LMF1: variants seen among roughly 807,000 people sequenced by gnomAD.
The protein encoded by LMF1 is lipase maturation factor 1.
In LMF1, 68 loss-of-function variants were observed where a neutral mutation model predicts 60.6. The observed-to-expected ratio is 1.12, with a 90% confidence interval of 0.92 to 1.37. The LOEUF is 1.37. LMF1 is among the 40% of genes most tolerant of loss of function. LMF1 has a pLI of 0.00. For synonymous variants in LMF1, 418 were observed against 324.7 expected (o/e 1.29, Z -3.09); for missense variants, 948 against 767.2 (o/e 1.24, Z -2.78).
intron 4 of LMF1, among the ~76,000 whole-genome samples, chr16:896,500 C>G (rs191549023): frequency 7.2e-5 from 11 of 152,336 alleles, no homozygotes; most frequent in African/African-American, 2.6e-4. Flanking sequence ...TGGGTTTGCT[C>G]AGATCACAAA....
rs974276723 is a variant in LMF1, at chr16:897,998, G to A, written c.664-4926C>T. 6.6e-6 allele frequency among the ~76,000 whole-genome samples: 1 copy of A among 152,228 alleles called. No homozygotes were observed. Among genetic ancestry groups the A allele is most frequent in the Admixed American group, 6.5e-5 (1 of 15,286 alleles). Reference sequence around the variant, plus strand: ...CCTCTGCGTGGTGGGCGCCTTCTGCGTGGCGGGCGTCCTCTGGAGGAGGGG... The same window carrying A: ...CCTCTGCGTGGTGGGCGCCTTCTGCATGGCGGGCGTCCTCTGGAGGAGGGG... On this transcript the variant is annotated intron_variant, in intron 4 of 10. Coordinates refer to ENST00000262301, the MANE Select transcript of LMF1 (RefSeq NM_022773.4). The surrounding 1 kb of genome is among the most constrained non-coding windows in gnomAD (Gnocchi z 4.3).
intron 3 of LMF1, among the ~76,000 whole-genome samples, chr16:911,803 G>A (rs1464085135): frequency 6.6e-6 from 1 of 152,100 alleles, no homozygotes; most frequent in African/African-American, 2.4e-5. Context: ...AGGCAAGGAT[G>A]CAGAGGCAGG....
At chr16:965,150 C>T (rs1011782262) in intron 1 of LMF1, among the ~76,000 whole-genome samples, 1 of 152,254 alleles carries the variant, frequency 6.6e-6, no homozygotes, top group Admixed American at 6.5e-5. Flanking sequence ...CCCCGTCACT[C>T]GGGATCACAG....
In LMF1 at chr16:869,937, G is replaced by A. The variant is rs116726395; in HGVS notation, c.1362C>T (p.Leu454=). The A allele has an allele frequency of 7.9e-4, 1,269 of 1,613,326 alleles. 10 individuals carry two copies. The African/African-American group carries it at 0.012, about 15-fold the overall frequency. ...KPGDPSRRPC[L]ISPYHYRLDW... ...CCAGGCGGTAGTGGTACGGGGAGATGAGGCAGGGCCGTCTGCTGGGGTCAC... is the reference window on the plus strand; with the variant it reads ...CCAGGCGGTAGTGGTACGGGGAGATAAGGCAGGGCCGTCTGCTGGGGTCAC... The change falls in exon 9 of 11, where the codon CTC becomes CTT. Residue 454 remains leucine (L), a synonymous_variant. Coordinates refer to ENST00000262301, the MANE Select transcript of LMF1 (RefSeq NM_022773.4).
chr16:960,281 A>T (rs191519688), intron 1 of LMF1, among the ~76,000 whole-genome samples: 1 of 148,280 alleles, frequency 6.7e-6, no homozygotes, highest in East Asian at 1.9e-4. Context: ...CTGGATCATA[A>T]CCCAGACAAA....
chr16:941,760 G>C (rs886778366), intron 2 of LMF1, among the ~76,000 whole-genome samples: 12 of 152,178 alleles, frequency 7.9e-5, no homozygotes, highest in Non-Finnish European at 1.8e-4. Context: ...AGGGCTAACA[G>C]CAGGTATCTC....
At chr16:902,961 C>T (rs1450026793) in intron 4 of LMF1, among the ~76,000 whole-genome samples, 11 of 69,042 alleles carry the variant, frequency 1.6e-4, no homozygotes, top group South Asian at 7.4e-4. Flanking sequence ...CTGCACTGCC[C>T]GTGGGGACGC....
chr16:978,508 T>A (rs1405955176), intron 1 of LMF1, among the ~76,000 whole-genome samples: 1 of 152,186 alleles, frequency 6.6e-6, no homozygotes, highest in Non-Finnish European at 1.5e-5. Flanking sequence ...TCTCTGCGGC[T>A]GTCCTTGGCG....
intron 1 of LMF1, chr16:964,124 C>T (rs1020814409): frequency 4.4e-6 from 2 of 455,858 alleles, no homozygotes; most frequent in Non-Finnish European, 8.8e-6. Context: ...CCGATAAATA[C>T]TTTGTTTCAG....
intron 2 of LMF1, among the ~76,000 whole-genome samples, chr16:936,105 G>C (rs887880837): frequency 1.3e-5 from 2 of 149,360 alleles, no homozygotes; most frequent in Non-Finnish European, 1.5e-5. Context: ...CACCCCGTTG[G>C]CTGAGGAAGG....
Position 954,581 on chromosome 16 carries a change from G to A in LMF1, c.279C>T (p.Asn93=). 1 of 1,613,250 alleles carries A rather than the reference G, an allele frequency of 6.2e-7. No homozygotes were observed. Among genetic ancestry groups the A allele is most frequent in the Non-Finnish European group, 8.5e-7 (1 of 1,179,790 alleles). The change falls in exon 2 of 11, where the codon AAC becomes AAT. Residue 93 remains asparagine (N), a synonymous_variant. Coordinates refer to ENST00000262301, the MANE Select transcript of LMF1 (RefSeq NM_022773.4). ...GLLPCRVFLK[N]FQQYFQDRTS... ...TCCTGTCCTGGAAGTACTGCTGGAA[G>A]TTCTTCAGGAACACTCTGCAGGGAA...
At chr16:854,919 C>T in intron 10 of LMF1, 1 of 606,912 alleles carries the variant, frequency 1.6e-6, no homozygotes, top group South Asian at 1.9e-5. Context: ...AACAGCGCAG[C>T]AAGGGGGAAG....
At chr16:971,021 G>T (rs538027603), upstream of LMF1, 18 of 1,384,604 alleles carry the variant, frequency 1.3e-5, no homozygotes, top group Non-Finnish European at 1.4e-5. Context: ...GCCCATTCTC[G>T]GAGGCCCCGC....
chr16:869,612 T>A (rs1316024640), intron 9 of LMF1: 2 of 655,810 alleles, frequency 3.0e-6, no homozygotes, highest in East Asian at 5.8e-5. Context: ...AGATACAGGG[T>A]CTCGCTATGG....
intron 2 of LMF1, among the ~76,000 whole-genome samples, chr16:946,849 G>T (rs72769406): frequency 6.6e-6 from 1 of 152,170 alleles, no homozygotes; most frequent in African/African-American, 2.4e-5. Context: ...CCAAGCAGGG[G>T]CTCAGCAAGT....
intron 5 of LMF1, among the ~76,000 whole-genome samples, chr16:887,997 C>T (rs768216452): frequency 3.3e-5 from 5 of 152,202 alleles, no homozygotes; most frequent in East Asian, 3.9e-4. Flanking sequence ...GTCTGTGGTG[C>T]GTGGCCTGGG....
intron 3 of LMF1, chr16:933,712 C>T (rs72759473): frequency 9.4e-4 from 292 of 311,330 alleles, no homozygotes; most frequent in Non-Finnish European, 1.3e-3. Context: ...TGGAGGCCTC[C>T]GGGCCCAATG....
In LMF1 at chr16:869,695, A is replaced by C. The variant is rs189384375; in HGVS notation, c.1416+188T>G. On this transcript the variant is annotated intron_variant, in intron 9 of 10. Transcript: ENST00000262301. ...GGGGACGGTGGGGCTGGGCTCCCAC[A>C]TGAGGCCCCTCCTAAGGCTGGGCCT... 37 of 696,406 alleles carry C rather than the reference A, an allele frequency of 5.3e-5. No homozygotes were observed. In the African/African-American group the frequency reaches 5.5e-4, roughly 10 times the overall value. The allele number at this position is 696,406 out of a possible 1,614,324, so 43.1% of individuals were successfully genotyped here.
intron 10 of LMF1, among the ~76,000 whole-genome samples, chr16:862,199 A>G (rs926169193): frequency 6.7e-6 from 1 of 149,294 alleles, no homozygotes; most frequent in African/African-American, 2.5e-5. Flanking sequence ...TTTTTGAGGC[A>G]GAGTCTCACT....
Sources: allele counts gnomAD v4.1 joint callset (sites outside exome capture counted in the v4.1 genomes callset), GRCh38; gene constraint gnomAD v4.1.1; non-coding constraint Gnocchi (gnomAD v3.1); transcripts MANE v1.5; gene names NCBI Gene and HGNC (gene_info 2026-07-23, HGNC 2026-07-21).